Variants in RFTN1 observed in about 807,000 individuals in gnomAD.
RFTN1 encodes the protein raftlin.
In RFTN1, 26 loss-of-function variants were observed where a neutral mutation model predicts 46.5. The ratio of observed to expected loss-of-function variants is 0.56; its 90% CI spans 0.41 to 0.78. The LOEUF is 0.78. Among genes scored for constraint, RFTN1 ranks in the 30% least tolerant of loss-of-function variants. The pLI, the probability that RFTN1 is intolerant of heterozygous loss-of-function variation, is 0.00. For missense variants in RFTN1, 693 were observed against 718.7 expected (o/e 0.96, Z 0.41); for synonymous variants, 261 against 284.2 (o/e 0.92, Z 0.82).
rs549563426 is a variant in RFTN1, at chr3:16,457,507, C to T, written c.146-23470G>A. ...CTTCTTTTACGATATACAAGGCATC[C>T]CAAAAGTCTCAATACAGTTTTATGC... On this transcript the variant is annotated intron_variant, in intron 2 of 9. Coordinates refer to ENST00000334133, the MANE Select transcript of RFTN1 (RefSeq NM_015150.2). The surrounding 1 kb of genome is among the most constrained non-coding windows in gnomAD (Gnocchi z 4.2). 5.3e-5 allele frequency among the ~76,000 whole-genome samples: 8 copies of T among 152,212 alleles called. No homozygotes were observed. The highest frequency in any genetic ancestry group is 1.0e-4 in the Non-Finnish European group (7 of 67,996).
At chr3:16,493,266 C>T (rs186764240) in intron 2 of RFTN1, among the ~76,000 whole-genome samples, 1 of 150,678 alleles carries the variant, frequency 6.6e-6, no homozygotes, top group East Asian at 2.0e-4. Flanking sequence ...GAGTCTCGCT[C>T]TCTCGCCCAG....
rs766517186 is a variant in RFTN1, at chr3:16,475,875, T to C, written c.145+17850A>G. On this transcript the variant is annotated intron_variant, in intron 2 of 9. Coordinates refer to ENST00000334133, the MANE Select transcript of RFTN1 (RefSeq NM_015150.2). This position sits in a 1 kb window ranked among gnomAD's most constrained non-coding sequence, Gnocchi z 4.2. The stretch of plus-strand genomic sequence containing the variant: ...GATAAATATTCTATATCCTACAGAC[T>C]GAACCAGGAAAATAATTTATGCCAC... Among the ~76,000 whole-genome samples, 12 of 152,220 alleles carry C rather than the reference T, an allele frequency of 7.9e-5. No homozygotes were observed. Among genetic ancestry groups the C allele is most frequent in the Middle Eastern group, 6.3e-3 (2 of 316 alleles).
intron 6 of RFTN1, among the ~76,000 whole-genome samples, chr3:16,360,127 C>A (rs1345780594): frequency 2.0e-5 from 3 of 151,666 alleles, no homozygotes; most frequent in African/African-American, 7.3e-5. Context: ...TTAATTAATT[C>A]TCTTTATCTT....
rs956345150 is a variant in RFTN1 at position 16,513,681 on chromosome 3, G to A, written c.-248C>T. 2.0e-5 allele frequency: 3 copies of A among 150,624 alleles called. No individual in the cohort carries two copies. Among genetic ancestry groups the A allele is most frequent in the African/African-American group, 7.3e-5 (3 of 41,096 alleles). 9.3% of individuals were successfully genotyped at this position (150,624 alleles called of 1,614,324 possible). ...CTCTCGCTCGCTGCGCCCAGCGCCC[G>A]GCGCGCTCCGGCTCCAGCCCCGACG... On this transcript the variant is annotated 5_prime_UTR_variant, in exon 1 of 10. Transcript: ENST00000334133. This position sits in a 1 kb window ranked among gnomAD's most constrained non-coding sequence, Gnocchi z 5.4.
chr3:16,324,310 T>C (rs771323033), intron 8 of RFTN1, among the ~76,000 whole-genome samples: 35 of 152,222 alleles, frequency 2.3e-4, no homozygotes, highest in Non-Finnish European at 4.4e-4. Flanking sequence ...GCTACTCTTT[T>C]AGGAACTGTA....
intron 4 of RFTN1, among the ~76,000 whole-genome samples, chr3:16,388,691 TAGCAATA>T (rs1322751341): frequency 7.2e-5 from 11 of 152,112 alleles, no homozygotes; most frequent in African/African-American, 2.7e-4. Flanking sequence ...AGAAAAGAAG[TAGCAATA>T]AGCAATTTGT....
chr3:16,436,870 C>T (rs188353485), intron 2 of RFTN1, among the ~76,000 whole-genome samples: 2 of 152,250 alleles, frequency 1.3e-5, no homozygotes, highest in Admixed American at 1.3e-4. Context: ...TTCCTATATT[C>T]CTGTTTATAT....
At chr3:16,510,954 C>T (rs2125018298) in intron 1 of RFTN1, among the ~76,000 whole-genome samples, 1 of 152,276 alleles carries the variant, frequency 6.6e-6, no homozygotes, top group South Asian at 2.1e-4. Flanking sequence ...TACTCCGGAA[C>T]ATAAGTCAGC....
intron 2 of RFTN1, among the ~76,000 whole-genome samples, chr3:16,491,110 G>C (rs984919110): frequency 6.6e-6 from 1 of 152,190 alleles, no homozygotes; most frequent in East Asian, 1.9e-4. Context: ...GGTAAGAAGT[G>C]CTATGGAGAA....
At chr3:16,350,216 A>T (rs1347735148) in intron 7 of RFTN1, 1 of 152,344 alleles carries the variant, frequency 6.6e-6, no homozygotes. Context: ...GACCTCATCT[A>T]TAATAAGAAT....
At chr3:16,412,909 G>A (rs750993397) in intron 3 of RFTN1, among the ~76,000 whole-genome samples, 1 of 152,222 alleles carries the variant, frequency 6.6e-6, no homozygotes, top group Non-Finnish European at 1.5e-5. Context: ...CCAACAAACT[G>A]AGGGAGGCTG....
At position 16,374,974 on chromosome 3, in the gene RFTN1, C is replaced by A. The variant is rs9850414; in HGVS notation, c.826+2744G>T. 0.16 allele frequency among the ~76,000 whole-genome samples: 23,647 copies of A among 152,156 alleles called. 2,163 individuals are homozygous for A. Among genetic ancestry groups the A allele is most frequent in the South Asian group, 0.24 (1,168 of 4,812 alleles). The stretch of plus-strand genomic sequence containing the variant: ...AATCCACTGGAAAGTCCTGTCTGAG[C>A]AGGCATTGCCTAGATTCCTCTCCCC... On this transcript the variant is annotated intron_variant, in intron 5 of 9. Transcript: ENST00000334133. The surrounding 1 kb of genome is among the most constrained non-coding windows in gnomAD (Gnocchi z 5.4).
rs1217248265 is a variant in RFTN1, at chr3:16,448,276, A to G, written c.146-14239T>C. Among the ~76,000 whole-genome samples, 1 of 152,154 alleles carries G rather than the reference A, an allele frequency of 6.6e-6. No individual in the cohort carries two copies. Among genetic ancestry groups the G allele is most frequent in the Non-Finnish European group, 1.5e-5 (1 of 68,026 alleles). ...GGTTACTAGAAAATTTTTCAATGGC[A>G]TTCACAAGTCATATTGTATTTCTAT... On this transcript the variant is annotated intron_variant, in intron 2 of 9. Transcript: ENST00000334133. This position sits in a 1 kb window ranked among gnomAD's most constrained non-coding sequence, Gnocchi z 4.1.
intron 2 of RFTN1, 137 bp downstream of exon 2, chr3:16,493,588 C>A (rs1251752048): frequency 3.7e-6 from 3 of 804,646 alleles, no homozygotes; most frequent in Non-Finnish European, 5.8e-6. Flanking sequence ...CTGTAAGCCG[C>A]CCCCTTGAGA....
chr3:16,507,690 CAT>C lies in RFTN1; in HGVS notation c.-9+5750_-9+5751del, dbSNP rs796462303. Among the ~76,000 whole-genome samples the C allele has an allele frequency of 6.6e-6, 1 of 151,258 alleles. No homozygotes were observed. The highest frequency in any genetic ancestry group is 2.4e-5 in the African/African-American group (1 of 41,126). On this transcript the variant is annotated intron_variant, in intron 1 of 9. Coordinates refer to ENST00000334133, the MANE Select transcript of RFTN1 (RefSeq NM_015150.2). This position sits in a 1 kb window ranked among gnomAD's most constrained non-coding sequence, Gnocchi z 7.1. ...CACACACAATGCACATAAACACACA[CAT>C]ACACACACATACATACACATACACA...
chr3:16,486,066 A>T (rs2076442164), intron 2 of RFTN1, among the ~76,000 whole-genome samples: 1 of 152,164 alleles, frequency 6.6e-6, no homozygotes, highest in Non-Finnish European at 1.5e-5. Flanking sequence ...AACTCGTGTC[A>T]TCCCAGGTGC....
At chr3:16,436,690 T>C (rs533026826) in intron 2 of RFTN1, among the ~76,000 whole-genome samples, 1 of 152,200 alleles carries the variant, frequency 6.6e-6, no homozygotes, top group Non-Finnish European at 1.5e-5. Context: ...GTTTATCCAT[T>C]TTTCCTCATT....
intron 3 of RFTN1, among the ~76,000 whole-genome samples, chr3:16,423,647 T>C (rs1229966757): frequency 6.6e-6 from 1 of 152,120 alleles, no homozygotes; most frequent in Non-Finnish European, 1.5e-5. Flanking sequence ...AGTAAATAAA[T>C]GGTAGCTATG....
At position 16,433,930 on chromosome 3, in the gene RFTN1, AG is replaced by A. The variant is rs1356883579; in HGVS notation, c.252del (p.Phe85SerfsTer21). 4 of 1,614,144 alleles carry A rather than the reference AG, an allele frequency of 2.5e-6. No individual in the cohort carries two copies. Reference sequence around the variant, plus strand: ...TCCCGCTCATGGGTGGGCTGCACGAAGGGGTGCAGGGCCGCCAGCGAGAAGC... The same window carrying A: ...TCCCGCTCATGGGTGGGCTGCACGAAGGGTGCAGGGCCGCCAGCGAGAAGC... ...QQGFSLAALH[P>X]FVQPTHEREK... On this transcript the variant is annotated frameshift_variant, in exon 3 of 10. Coordinates refer to ENST00000334133, the MANE Select transcript of RFTN1 (RefSeq NM_015150.2). LOFTEE classifies it high-confidence loss of function. The surrounding 1 kb of genome is among the most constrained non-coding windows in gnomAD (Gnocchi z 4.4).
Sources: gnomAD v4.1 joint callset for allele counts (sites outside exome capture counted in the v4.1 genomes callset) on GRCh38, gnomAD v4.1.1 for gene constraint, Gnocchi (gnomAD v3.1) non-coding constraint, MANE v1.5 for transcripts, NCBI Gene and HGNC (gene_info 2026-07-23, HGNC 2026-07-21) for gene names.